Variants in FKTN observed in about 807,000 individuals in gnomAD.
FKTN encodes the protein fukutin.
Under a neutral mutation model 58.6 loss-of-function variants are expected in FKTN, and 47 were observed. The ratio of observed to expected loss-of-function variants is 0.80; its 90% CI spans 0.63 to 1.02. The LOEUF (loss-of-function observed/expected upper bound fraction) is 1.02, where lower values mean the gene tolerates loss of function less well. FKTN is among the 50% of genes least tolerant of loss of function. The probability of loss-of-function intolerance (pLI) is 0.00; values close to 1 mark genes in which losing one functional copy is unlikely to be tolerated. For synonymous variants in FKTN, 178 were observed against 191.9 expected (o/e 0.93, Z 0.60); for missense variants, 516 against 537.3 (o/e 0.96, Z 0.39).
chr9:105,561,103 C>T (rs968747226), intron 1 of FKTN, among the ~76,000 whole-genome samples: 1 of 149,692 alleles, frequency 6.7e-6, no homozygotes, highest in Non-Finnish European at 1.5e-5. Flanking sequence ...AAAAAAAAAA[C>T]AAAACAAAAA....
intron 1 of FKTN, among the ~76,000 whole-genome samples, chr9:105,569,858 C>G (rs1166951686): frequency 6.6e-6 from 1 of 152,080 alleles, no homozygotes; most frequent in Non-Finnish European, 1.5e-5. Flanking sequence ...AATTTACTAT[C>G]TCTGCAATAC....
At chr9:105,574,923 A>T in intron 2 of FKTN, 22 bp from the exon 3 acceptor site, 1 of 722,460 alleles carries the variant, frequency 1.4e-6, no homozygotes, top group South Asian at 1.5e-5. Context: ...TGTTTCTTTA[A>T]AAATATCTTT....
chr9:105,616,008 T>C (rs1259508143), intron 8 of FKTN, among the ~76,000 whole-genome samples: 2 of 152,224 alleles, frequency 1.3e-5, no homozygotes, highest in Admixed American at 1.3e-4. Context: ...CATTGTGATG[T>C]AGTGTTAGTC....
intron 10 of FKTN, among the ~76,000 whole-genome samples, chr9:105,631,068 G>A (rs988288703): frequency 6.6e-6 from 1 of 152,164 alleles, no homozygotes; most frequent in Non-Finnish European, 1.5e-5. Flanking sequence ...GAGAGGTGGA[G>A]GTTGCAGTGA....
intron 3 of FKTN, among the ~76,000 whole-genome samples, chr9:105,577,861 G>A (rs1377185851): frequency 6.7e-6 from 1 of 149,778 alleles, no homozygotes; most frequent in East Asian, 2.0e-4. Flanking sequence ...GTGGTTTGTA[G>A]TTCTCCTTGA....
intron 10 of FKTN, among the ~76,000 whole-genome samples, chr9:105,620,890 A>G (rs1390429816): frequency 1.3e-5 from 2 of 151,974 alleles, no homozygotes; most frequent in Non-Finnish European, 2.9e-5. Context: ...AATTATCTCA[A>G]TATTAAACTG....
intron 10 of FKTN, among the ~76,000 whole-genome samples, chr9:105,630,107 G>A (rs1411423118): frequency 6.6e-6 from 1 of 152,142 alleles, no homozygotes; most frequent in Middle Eastern, 3.4e-3. Flanking sequence ...TGTAAAGGAC[G>A]AGTTAATGGG....
rs904136712 is a variant in FKTN at position 105,615,147 on chromosome 9, G to T, written c.781-131G>T. 5 of 972,466 alleles carry T rather than the reference G, an allele frequency of 5.1e-6. No homozygotes were observed. The African/African-American group carries it at 8.0e-5, about 16-fold the overall frequency. The allele number at this position is 972,466 out of a possible 1,614,324, so 60.2% of individuals were successfully genotyped here. On this transcript the variant is annotated intron_variant, in intron 7 of 10. Transcript: ENST00000357998. ...GATCCACCTGCCTTGGCTTCCCAAAGTTCTGGGGTTACAGGCGTGAGCCAC... is the reference window on the plus strand; with the variant it reads ...GATCCACCTGCCTTGGCTTCCCAAATTTCTGGGGTTACAGGCGTGAGCCAC...
chr9:105,633,841 T>C (rs530883504), intron 10 of FKTN, among the ~76,000 whole-genome samples: 1 of 152,338 alleles, frequency 6.6e-6, no homozygotes, highest in South Asian at 2.1e-4. Context: ...CCCAGTTAGA[T>C]CCCATTTCCA....
chr9:105,624,963 G>A (rs894218858), intron 10 of FKTN, among the ~76,000 whole-genome samples: 24 of 152,234 alleles, frequency 1.6e-4, no homozygotes, highest in South Asian at 4.1e-4. Context: ...ATAACACTGC[G>A]TACTTCACAG....
intron 5 of FKTN, among the ~76,000 whole-genome samples, chr9:105,602,994 G>A (rs922044881): frequency 1.3e-5 from 2 of 152,146 alleles, no homozygotes; most frequent in Non-Finnish European, 2.9e-5. Flanking sequence ...CATAAAGTGA[G>A]CAAACCTCTG....
chr9:105,633,786 T>A (rs1309812415), intron 10 of FKTN, among the ~76,000 whole-genome samples: 2 of 152,240 alleles, frequency 1.3e-5, no homozygotes, highest in African/African-American at 2.4e-5. Context: ...AAACACGATA[T>A]TCAAAGGCAG....
Position 105,620,064 on chromosome 9 carries a change from A to G in FKTN, c.1172+3A>G. Reference sequence around the variant, plus strand: ...GCCAAAACAGGAAAAAAATTCAAGTATGAATCAAATAAGTACTTATTTATA... The same window carrying G: ...GCCAAAACAGGAAAAAAATTCAAGTGTGAATCAAATAAGTACTTATTTATA... On this transcript the variant is annotated splice_donor_region_variant and intron_variant, in intron 10 of 10. Coordinates refer to ENST00000357998, the MANE Select transcript of FKTN (RefSeq NM_001079802.2). 2 of 1,607,058 alleles carry G rather than the reference A, an allele frequency of 1.2e-6. No individual in the cohort carries two copies. Among genetic ancestry groups the G allele is most frequent in the Non-Finnish European group, 1.7e-6 (2 of 1,173,952 alleles).
intron 3 of FKTN, among the ~76,000 whole-genome samples, chr9:105,585,074 A>G (rs1843669314): frequency 6.6e-6 from 1 of 152,156 alleles, no homozygotes; most frequent in Non-Finnish European, 1.5e-5. Flanking sequence ...TGAAAACAGG[A>G]TACTGTCTGT....
chr9:105,602,766 G>A lies in FKTN; in HGVS notation c.369+1418G>A, dbSNP rs12235953. ...GTAGGGACGGGGTTTCACCATATTG[G>A]CCAGGCTGGTCTTGAACTCCTGACC... On this transcript the variant is annotated intron_variant, in intron 5 of 10. Coordinates refer to ENST00000357998, the MANE Select transcript of FKTN (RefSeq NM_001079802.2). 5.9e-5 allele frequency among the ~76,000 whole-genome samples: 9 copies of A among 151,944 alleles called. No individual in the cohort carries two copies. The East Asian group carries it at 1.7e-3, about 30-fold the overall frequency.
At chr9:105,630,431 C>T (rs1234862252) in intron 10 of FKTN, among the ~76,000 whole-genome samples, 1 of 152,110 alleles carries the variant, frequency 6.6e-6, no homozygotes, top group African/African-American at 2.4e-5. Context: ...ATCCGAAATC[C>T]TCCTTTCTCC....
intron 3 of FKTN, among the ~76,000 whole-genome samples, chr9:105,579,171 T>G (rs185326084): frequency 2.0e-5 from 3 of 152,202 alleles, no homozygotes; most frequent in East Asian, 1.9e-4. Context: ...CTCCTGCAGT[T>G]CTGCTCTGAT....
rs1833951626 is a variant in FKTN at position 105,635,296 on chromosome 9, T to C, written c.*32T>C. On this transcript the variant is annotated 3_prime_UTR_variant, in exon 11 of 11. Transcript: ENST00000357998. Reference sequence around the variant, plus strand: ...AGGTTGAAATGGGAGAATTTCTCTTTTGGAAAAAAAGGTAGATAACTGTTT... The same window carrying C: ...AGGTTGAAATGGGAGAATTTCTCTTCTGGAAAAAAAGGTAGATAACTGTTT... The C allele has an allele frequency of 6.2e-7, 1 of 1,612,466 alleles. No homozygotes were observed. Among genetic ancestry groups the C allele is most frequent in the Non-Finnish European group, 8.5e-7 (1 of 1,179,532 alleles).
intron 3 of FKTN, among the ~76,000 whole-genome samples, chr9:105,590,565 T>G (rs1844684998): frequency 6.6e-6 from 1 of 152,196 alleles, no homozygotes; most frequent in Non-Finnish European, 1.5e-5. Flanking sequence ...TCAGGATTTG[T>G]TGATGGATTC....
Sources: allele counts gnomAD v4.1 joint callset (sites outside exome capture counted in the v4.1 genomes callset), GRCh38; gene constraint gnomAD v4.1.1; transcripts MANE v1.5; gene names NCBI Gene and HGNC (gene_info 2026-07-23, HGNC 2026-07-21).